The following CELF2 variants were observed in gnomAD, a reference collection of about 807,000 sequenced individuals.
CELF2 encodes CUGBP Elav-like family member 2, also known as CUG triplet repeat RNA-binding protein 2.
In CELF2, 8 loss-of-function variants were observed where a neutral mutation model predicts 62.6. That is an observed-to-expected ratio of 0.13 (90% CI 0.07 to 0.23). CELF2 has a LOEUF of 0.23. Among genes scored for constraint, CELF2 ranks in the 10% least tolerant of loss-of-function variants. The pLI, the probability that CELF2 is intolerant of heterozygous loss-of-function variation, is 1.00. For synonymous variants in CELF2, 258 were observed against 250.0 expected, an observed-to-expected ratio of 1.03 and a Z score of -0.30; for missense variants, 333 against 671.0, an observed-to-expected ratio of 0.50 and a Z score of 5.56.
At chr10:10,892,775 G>A (rs2062241264) in intron 1 of CELF2, among the ~76,000 whole-genome samples, 1 of 152,182 alleles carries the variant, frequency 6.6e-6, no homozygotes, top group Non-Finnish European at 1.5e-5. Flanking sequence ...CCTACGTTTT[G>A]TAAATCTACC....
chr10:11,256,384 A>G (rs947567894), intron 4 of CELF2, among the ~76,000 whole-genome samples: 4 of 152,180 alleles, frequency 2.6e-5, no homozygotes, highest in African/African-American at 9.7e-5. Context: ...ATAATTGCCT[A>G]TTCGCTAAAT....
chr10:11,238,466 CT>C (rs1234682099), intron 3 of CELF2, among the ~76,000 whole-genome samples: 1 of 152,148 alleles, frequency 6.6e-6, no homozygotes, highest in East Asian at 1.9e-4. Context: ...TAGGTATAAA[CT>C]TTTAAATAAA....
chr10:11,152,941 G>A (rs1288884719), intron 1 of CELF2, among the ~76,000 whole-genome samples: 5 of 152,180 alleles, frequency 3.3e-5, no homozygotes, highest in Admixed American at 2.0e-4. Context: ...TGGCTGTGGC[G>A]CTGATTTCTC....
At chr10:10,716,948 G>A in the CELF2 span, among the ~76,000 whole-genome samples, 2 of 152,160 alleles carry the variant, frequency 1.3e-5, no homozygotes, top group East Asian at 1.9e-4. Context: ...ATTTAATAGA[G>A]CAGATAAAGC....
chr10:11,040,521 G>A (rs1181965600), intron 1 of CELF2, among the ~76,000 whole-genome samples: 4 of 152,092 alleles, frequency 2.6e-5, no homozygotes, highest in African/African-American at 4.8e-5. Context: ...CTTCTATGTA[G>A]CGACGCACTT....
At chr10:11,197,036 A>AGAAGGAAAGAAAGAAAGAAG (rs1434744236) in intron 2 of CELF2, among the ~76,000 whole-genome samples, 1 of 24,484 alleles carries the variant, frequency 4.1e-5, no homozygotes, top group African/African-American at 3.3e-4. Context: ...AAAGAAAGAA[A>AGAAGGAAAGAAAGAAAGAAG]GAAAGAAAGA....
At chr10:10,506,092 A>T in the CELF2 span, among the ~76,000 whole-genome samples, 3 of 151,166 alleles carry the variant, frequency 2.0e-5, no homozygotes, top group Non-Finnish European at 4.4e-5. Context: ...TTTTTTTTTT[A>T]AAGTTTTACT....
the CELF2 span, among the ~76,000 whole-genome samples, chr10:10,487,823 A>C: frequency 2.0e-5 from 3 of 152,166 alleles, no homozygotes; most frequent in Non-Finnish European, 4.4e-5. Context: ...TAACCCTTTA[A>C]ATTGTATAAA....
the CELF2 span, among the ~76,000 whole-genome samples, chr10:10,793,263 C>T: frequency 6.6e-6 from 1 of 152,104 alleles, no homozygotes; most frequent in African/African-American, 2.4e-5. Flanking sequence ...AACATGAAAG[C>T]ACTTGAAATC....
At chr10:10,952,323 G>A (rs78142271) in intron 2 of CELF2, 6,847 of 152,276 alleles carry the variant, frequency 0.045, 247 homozygotes, top group Non-Finnish European at 0.065. Flanking sequence ...TCTGAAAAGA[G>A]CCGGACTCCC....
intron 1 of CELF2, among the ~76,000 whole-genome samples, chr10:11,020,142 T>TGGA (rs1251426111): frequency 6.6e-6 from 1 of 152,246 alleles, no homozygotes; most frequent in African/African-American, 2.4e-5. Flanking sequence ...GCCTTAGCCA[T>TGGA]GGAGTCTCCT....
At position 11,224,514 on chromosome 10, in the gene CELF2, G is replaced by T. The variant is rs1384864740; in HGVS notation, c.354+7007G>T. Among the ~76,000 whole-genome samples the T allele has an allele frequency of 1.3e-5, 2 of 152,182 alleles. No homozygotes were observed. The highest frequency in any genetic ancestry group is 2.9e-5 in the Non-Finnish European group (2 of 68,036). On this transcript the variant is annotated intron_variant, in intron 3 of 12. Coordinates refer to ENST00000633077, the MANE Select transcript of CELF2 (RefSeq NM_001326342.2). The surrounding 1 kb of genome is among the most constrained non-coding windows in gnomAD (Gnocchi z 4.5). ...AAAGGTTGATAGGATTTCAAAAGAAGATTGTGGGGGAGGCGGGGGATCCAT... is the reference window on the plus strand; with the variant it reads ...AAAGGTTGATAGGATTTCAAAAGAATATTGTGGGGGAGGCGGGGGATCCAT...
In CELF2 at chr10:10,947,099, G is replaced by A. The variant is rs1267808513; in HGVS notation, c.89+27100G>A. 1.3e-5 allele frequency: 2 copies of A among 152,222 alleles called. No homozygotes were observed. Among genetic ancestry groups the A allele is most frequent in the East Asian group, 1.9e-4 (1 of 5,198 alleles). The allele number at this position is 152,222 out of a possible 1,614,324, so 9.4% of individuals were successfully genotyped here. A position where few individuals can be genotyped will look rare whatever the true frequency, so the allele number is the denominator to read the frequency against. ...AATGTGCAGTGCATGTCACAGGCAG[G>A]TCTGGAAGGCTTTGCTGTCCTTGCT... On this transcript the variant is annotated intron_variant, in intron 2 of 13. Coordinates refer to the CELF2 transcript ENST00000636488. This position sits in a 1 kb window ranked among gnomAD's most constrained non-coding sequence, Gnocchi z 4.1.
upstream of CELF2, chr10:11,017,824 CCGGCGGG>C: frequency 2.4e-6 from 1 of 422,486 alleles, no homozygotes; most frequent in Non-Finnish European, 3.2e-6. The surrounding 1 kb of genome is among the most constrained non-coding windows in gnomAD (Gnocchi z 5.5). Context: ...GCGCTCTGGG[CCGGCGGG>C]CCCGCAGGGG....
Position 11,309,113 on chromosome 10 carries a change from C to T in CELF2, c.977-5026C>T, listed in dbSNP as rs1264071132. Among the ~76,000 whole-genome samples the T allele has an allele frequency of 6.6e-6, 1 of 152,198 alleles. No individual in the cohort carries two copies. On this transcript the variant is annotated intron_variant, in intron 9 of 12. Coordinates refer to ENST00000633077, the MANE Select transcript of CELF2 (RefSeq NM_001326342.2). This position sits in a 1 kb window ranked among gnomAD's most constrained non-coding sequence, Gnocchi z 5.6. ...TCATGTCTTTGTCCACCAAGTCTAACATCTGGGCCCTCTTACGCACAGTTT... is the reference window on the plus strand; with the variant it reads ...TCATGTCTTTGTCCACCAAGTCTAATATCTGGGCCCTCTTACGCACAGTTT...
At chr10:11,124,873 A>G (rs916254479) in intron 1 of CELF2, among the ~76,000 whole-genome samples, 3 of 152,174 alleles carry the variant, frequency 2.0e-5, no homozygotes, top group Admixed American at 1.3e-4. Flanking sequence ...ACATATGCTT[A>G]TATATATTTT....
chr10:10,968,286 T>C (rs2050366104), intron 2 of CELF2, among the ~76,000 whole-genome samples: 1 of 152,168 alleles, frequency 6.6e-6, no homozygotes. Context: ...GGCTTGTAAA[T>C]TTGGAGCACC....
At chr10:11,195,952 T>G (rs1284437116) in intron 2 of CELF2, among the ~76,000 whole-genome samples, 1 of 152,198 alleles carries the variant, frequency 6.6e-6, no homozygotes, top group East Asian at 1.9e-4. Context: ...TTAATACTCT[T>G]TTTTTGAACA....
At chr10:10,884,367 T>A (rs1174979081) in intron 1 of CELF2, among the ~76,000 whole-genome samples, 1 of 152,188 alleles carries the variant, frequency 6.6e-6, no homozygotes. Context: ...TGGAAGGTAT[T>A]GTGTGATGTT....
Sources: gnomAD v4.1 joint callset for allele counts (sites outside exome capture counted in the v4.1 genomes callset) on GRCh38, gnomAD v4.1.1 for gene constraint, Gnocchi (gnomAD v3.1) non-coding constraint, MANE v1.5 for transcripts, NCBI Gene and HGNC (gene_info 2026-07-23, HGNC 2026-07-21) for gene names.